Variants in DGKI observed in about 807,000 individuals in gnomAD.
The protein encoded by DGKI is DAG kinase iota.
In DGKI, 55 loss-of-function variants were observed where a neutral mutation model predicts 147.5. The observed-to-expected ratio is 0.37, with a 90% CI of 0.30 to 0.47. DGKI has a LOEUF of 0.47. Ranked by LOEUF, DGKI falls within the 20% of genes least tolerant of loss-of-function variation. DGKI has a pLI of 1.00. For synonymous variants in DGKI, 469 were observed against 477.1 expected (o/e 0.98, Z 0.22); for missense variants, 1,007 against 1,323.8 (o/e 0.76, Z 3.71).
intron 28 of DGKI, among the ~76,000 whole-genome samples, chr7:137,428,045 A>G (rs560683057): frequency 1.8e-4 from 27 of 149,602 alleles, no homozygotes; most frequent in African/African-American, 6.7e-4. Flanking sequence ...TCCCTAACTC[A>G]TTTTATGAGG....
chr7:137,432,535 T>G (rs1369530352), intron 28 of DGKI, among the ~76,000 whole-genome samples: 1 of 152,240 alleles, frequency 6.6e-6, no homozygotes, highest in African/African-American at 2.4e-5. Context: ...TCTTTGCCTA[T>G]ATTACCTAAT....
At chr7:137,775,390 CTT>C (rs1796335624) in intron 1 of DGKI, among the ~76,000 whole-genome samples, 1 of 152,228 alleles carries the variant, frequency 6.6e-6, no homozygotes, top group African/African-American at 2.4e-5. Context: ...TTCTCCTTCA[CTT>C]TCTACCAAGG....
At chr7:137,440,647 A>C (rs923408099) in intron 28 of DGKI, among the ~76,000 whole-genome samples, 1 of 152,216 alleles carries the variant, frequency 6.6e-6, no homozygotes, top group Non-Finnish European at 1.5e-5. Context: ...CTGCTTTTGC[A>C]GCTGTGAAAC....
rs1208421767 is a variant in DGKI, at chr7:137,472,254, A to AATATATGTATATATACAC, written c.2374-2636_2374-2635insGTGTATATATACATATAT. Among the ~76,000 whole-genome samples, 456 of 111,022 alleles carry AATATATGTATATATACAC rather than the reference A, an allele frequency of 4.1e-3. 7 individuals carry two copies. Among genetic ancestry groups the AATATATGTATATATACAC allele is most frequent in the African/African-American group, 0.011 (279 of 26,404 alleles). 72.8% of individuals were successfully genotyped at this position (111,022 alleles called of 152,430 possible). On this transcript the variant is annotated intron_variant, in intron 23 of 32. Transcript: ENST00000614521. ...ATATAATATATGTATATATACACATAATATTATATGTATATATACATATAA... is the reference window on the plus strand; with the variant it reads ...ATATAATATATGTATATATACACATAATATATGTATATATACACATATTATATGTATATATACATATAA...
At chr7:137,401,486 G>A (rs751405332) in intron 30 of DGKI, among the ~76,000 whole-genome samples, 1 of 152,050 alleles carries the variant, frequency 6.6e-6, no homozygotes, top group Non-Finnish European at 1.5e-5. Flanking sequence ...AGCCATGACT[G>A]CACTCTAGCC....
chr7:137,666,028 T>C (rs182418247), intron 3 of DGKI, among the ~76,000 whole-genome samples: 57 of 152,342 alleles, frequency 3.7e-4, no homozygotes, highest in South Asian at 8.3e-4. Flanking sequence ...GATACATCCA[T>C]CGTGTTTTGA....
Position 137,602,403 on chromosome 7 carries a change from G to A in DGKI, c.1168-2498C>T, listed in dbSNP as rs1042069459. Among the ~76,000 whole-genome samples the A allele has an allele frequency of 9.2e-5, 14 of 152,300 alleles. No homozygotes were observed. The East Asian group carries it at 2.5e-3, about 27-fold the overall frequency. ...GGTGACATTTCTATTGCAGTCTATT[G>A]GAATAACATGCCTGCAATTGTGTAA... is the stretch of plus-strand genomic sequence containing the variant. On this transcript the variant is annotated intron_variant, in intron 10 of 32. Transcript: ENST00000614521.
Position 137,584,295 on chromosome 7 carries a change from T to C in DGKI, c.1563+914A>G, listed in dbSNP as rs1426118360. On this transcript the variant is annotated intron_variant, in intron 14 of 32. Transcript: ENST00000614521. ...CCTGGAGATTCTTACACATACAGAG[T>C]TTAAAAATTCAATCATAGAAGGAAA... Among the ~76,000 whole-genome samples, 3 of 151,978 alleles carry C rather than the reference T, an allele frequency of 2.0e-5. No homozygotes were observed. In the East Asian group the frequency reaches 5.8e-4, roughly 29 times the overall value.
intron 3 of DGKI, among the ~76,000 whole-genome samples, chr7:137,677,421 C>T (rs1281145411): frequency 6.6e-6 from 1 of 152,186 alleles, no homozygotes; most frequent in African/African-American, 2.4e-5. Flanking sequence ...TGGGTCTTTC[C>T]CTGACATTGA....
intron 10 of DGKI, among the ~76,000 whole-genome samples, chr7:137,602,760 T>C (rs1416554200): frequency 1.3e-5 from 2 of 152,128 alleles, no homozygotes; most frequent in Non-Finnish European, 1.5e-5. Context: ...TCTTCCTCAA[T>C]AGTAGGATTA....
chr7:137,730,355 T>C (rs1014563494), intron 1 of DGKI, among the ~76,000 whole-genome samples: 16 of 152,100 alleles, frequency 1.1e-4, no homozygotes, highest in African/African-American at 3.6e-4. Flanking sequence ...ACTTGGTAAC[T>C]ATGCTCAATT....
intron 1 of DGKI, among the ~76,000 whole-genome samples, chr7:137,825,632 A>T (rs1373158397): frequency 6.6e-6 from 1 of 151,710 alleles, no homozygotes; most frequent in Non-Finnish European, 1.5e-5. Flanking sequence ...ACACACTCTC[A>T]CACACACACA....
At chr7:137,575,105 C>T (rs886613535) in intron 17 of DGKI, among the ~76,000 whole-genome samples, 2 of 152,134 alleles carry the variant, frequency 1.3e-5, no homozygotes, top group African/African-American at 2.4e-5. Flanking sequence ...CTTGTTACAC[C>T]TATTTGACAG....
chr7:137,454,465 G>A (rs922013486), intron 27 of DGKI, among the ~76,000 whole-genome samples: 1 of 152,118 alleles, frequency 6.6e-6, no homozygotes, highest in South Asian at 2.1e-4. Context: ...GGAAGAATGG[G>A]CGACAGTGGA....
intron 21 of DGKI, among the ~76,000 whole-genome samples, chr7:137,507,447 G>C (rs1483538927): frequency 6.6e-6 from 1 of 152,040 alleles, no homozygotes; most frequent in Non-Finnish European, 1.5e-5. Flanking sequence ...TATCATGATA[G>C]TATACTACCT....
chr7:137,596,705 A>G (rs1819809887), intron 12 of DGKI, among the ~76,000 whole-genome samples: 1 of 152,200 alleles, frequency 6.6e-6, no homozygotes, highest in Non-Finnish European at 1.5e-5. Context: ...CCAACTGAAC[A>G]TTGTTTTTAC....
chr7:137,747,273 T>G (rs1795366909), intron 1 of DGKI, among the ~76,000 whole-genome samples: 1 of 152,076 alleles, frequency 6.6e-6, no homozygotes, highest in South Asian at 2.1e-4. Flanking sequence ...TGTACTCAAG[T>G]GTGGCCATAT....
intron 29 of DGKI, among the ~76,000 whole-genome samples, chr7:137,409,564 T>TG (rs1356822209): frequency 6.6e-6 from 1 of 152,120 alleles, no homozygotes; most frequent in African/African-American, 2.4e-5. Context: ...ATCCCTAAAC[T>TG]GGGGGGCAAG....
At chr7:137,645,428 C>T in intron 6 of DGKI, 44 bp downstream of exon 6, 1 of 1,580,150 alleles carries the variant, frequency 6.3e-7, no homozygotes, top group Non-Finnish European at 8.7e-7. Context: ...CTTGCAGAGG[C>T]CTGGGGAGCC....
Sources: allele counts gnomAD v4.1 joint callset (sites outside exome capture counted in the v4.1 genomes callset), GRCh38; gene constraint gnomAD v4.1.1; transcripts MANE v1.5; gene names NCBI Gene and HGNC (gene_info 2026-07-23, HGNC 2026-07-21).